The following ASXL1 variants were observed in gnomAD, a reference collection of about 807,000 sequenced individuals.
ASXL1 encodes the protein ASXL transcriptional regulator 1, also known as polycomb group protein ASXL1.
Under a neutral mutation model 89.1 loss-of-function variants are expected in ASXL1, and 65 were observed. That is an observed-to-expected ratio of 0.73 (90% CI 0.60 to 0.90). ASXL1 has a LOEUF of 0.90. ASXL1 is among the 40% of genes least tolerant of loss of function. The pLI is 0.00. For missense variants in ASXL1, 1,786 were observed against 1,942.9 expected (o/e 0.92, Z 1.52); for synonymous variants, 739 against 746.9 (o/e 0.99, Z 0.17).
At chr20:32,407,730 G>A (rs980921140) in intron 4 of ASXL1, among the ~76,000 whole-genome samples, 4 of 152,098 alleles carry the variant, frequency 2.6e-5, no homozygotes, top group African/African-American at 9.7e-5. Context: ...CTCCCAAAGT[G>A]CTGGTGAGCC....
At chr20:32,393,535 G>A (rs767156651) in intron 4 of ASXL1, among the ~76,000 whole-genome samples, 1 of 151,994 alleles carries the variant, frequency 6.6e-6, no homozygotes, top group Admixed American at 6.6e-5. Context: ...GCAGTGGCAC[G>A]ATCTCAGCTC....
At chr20:32,415,538 T>A (rs1002739322) in intron 4 of ASXL1, among the ~76,000 whole-genome samples, 11 of 152,164 alleles carry the variant, frequency 7.2e-5, no homozygotes, top group Admixed American at 7.2e-4. Flanking sequence ...TTTGAAACAG[T>A]TCTCCTGTTC....
chr20:32,361,154 G>T (rs1291189869), intron 1 of ASXL1, among the ~76,000 whole-genome samples: 4 of 152,188 alleles, frequency 2.6e-5, no homozygotes, highest in Non-Finnish European at 5.9e-5. Context: ...TTCGAGATGA[G>T]CCTGGGCAAC....
intron 3 of ASXL1, among the ~76,000 whole-genome samples, chr20:32,368,767 G>A (rs540561479): frequency 6.6e-6 from 1 of 152,136 alleles, no homozygotes; most frequent in Non-Finnish European, 1.5e-5. Flanking sequence ...TTGTCAAAAA[G>A]CACTGAAGAA....
chr20:32,436,423 C>G lies in ASXL1; in HGVS notation c.3711C>G (p.Ser1237=), dbSNP rs1299562020. ...TGGATTCCAAAGAGCAGTTCTCTTC[C>G]TTTAGTTGTGAAGATCAGAAGGAAG... ...EEMDSKEQFS[S]FSCEDQKEVR... The change falls in exon 13 of 13, where the codon TCC becomes TCG. Residue 1237 remains serine (S), a synonymous_variant. Coordinates refer to ENST00000375687, the MANE Select transcript of ASXL1 (RefSeq NM_015338.6). The G allele has an allele frequency of 6.2e-6, 10 of 1,613,986 alleles. No homozygotes were observed. The highest frequency in any genetic ancestry group is 7.6e-6 in the Non-Finnish European group (9 of 1,180,032).
intron 1 of ASXL1, among the ~76,000 whole-genome samples, chr20:32,361,402 C>T (rs567867509): frequency 2.9e-4 from 43 of 147,696 alleles, no homozygotes; most frequent in South Asian, 4.3e-4. Context: ...CACTTTGGGA[C>T]GCCGAGGTGG....
chr20:32,428,425 A>T lies in ASXL1; in HGVS notation c.471+3A>T. The T allele has an allele frequency of 6.2e-7, 1 of 1,606,786 alleles. No individual in the cohort carries two copies. Among genetic ancestry groups the T allele is most frequent in the Non-Finnish European group, 8.5e-7 (1 of 1,173,572 alleles). ...ACAGCTACAGAGCTTCCTCACAGGTAAGGAAGAGGTAGAGCCTAGCCTGGG... is the reference window on the plus strand; with the variant it reads ...ACAGCTACAGAGCTTCCTCACAGGTTAGGAAGAGGTAGAGCCTAGCCTGGG... On this transcript the variant is annotated splice_donor_region_variant and intron_variant, in intron 6 of 12. Transcript: ENST00000375687.
intron 12 of ASXL1, 96 bp downstream of exon 12, chr20:32,434,013 T>G: frequency 1.3e-6 from 2 of 1,528,098 alleles, no homozygotes; most frequent in Non-Finnish European, 9.0e-7. Context: ...CTGAAGTTAA[T>G]TATGTGGGAA....
chr20:32,401,349 C>T (rs1324172743), intron 4 of ASXL1, among the ~76,000 whole-genome samples: 1 of 152,172 alleles, frequency 6.6e-6, no homozygotes, highest in African/African-American at 2.4e-5. Flanking sequence ...CCTCCACCAC[C>T]AATCAACCAA....
At chr20:32,366,338 TA>T in intron 1 of ASXL1, 45 bp from the exon 2 acceptor site, 1 of 1,503,728 alleles carries the variant, frequency 6.7e-7, no homozygotes. Flanking sequence ...TGGATGGATA[TA>T]AATGGAAATT....
chr20:32,404,582 T>C (rs2123071536), intron 4 of ASXL1, among the ~76,000 whole-genome samples: 1 of 152,356 alleles, frequency 6.6e-6, no homozygotes, highest in South Asian at 2.1e-4. Context: ...ATATCATCTG[T>C]TAATAGGGCC....
rs568653291 is a variant in ASXL1, at chr20:32,437,752, T to A, written c.*414T>A. 5 of 294,410 alleles carry A rather than the reference T, an allele frequency of 1.7e-5. No individual in the cohort carries two copies. The highest frequency in any genetic ancestry group is 1.1e-4 in the African/African-American group (5 of 47,108). 18.2% of individuals were successfully genotyped at this position (294,410 alleles called of 1,614,324 possible). A position where few individuals can be genotyped will look rare whatever the true frequency, so the allele number is the denominator to read the frequency against. On this transcript the variant is annotated 3_prime_UTR_variant, in exon 13 of 13. Coordinates refer to ENST00000375687, the MANE Select transcript of ASXL1 (RefSeq NM_015338.6). ...CCACTACCCCCTCCCTGCCATCTTT[T>A]CTTCTGCTACTTTGGGGAGTTGATG... is the stretch of plus-strand genomic sequence containing the variant.
At chr20:32,422,580 A>ATTTTTT (rs11167168) in intron 4 of ASXL1, among the ~76,000 whole-genome samples, 4 of 108,046 alleles carry the variant, frequency 3.7e-5, no homozygotes, top group African/African-American at 1.5e-4. Flanking sequence ...GGATTGGTTA[A>ATTTTTT]TTTTTTTTTT....
intron 4 of ASXL1, among the ~76,000 whole-genome samples, chr20:32,409,850 T>C (rs989772869): frequency 6.6e-6 from 1 of 152,240 alleles, no homozygotes; most frequent in African/African-American, 2.4e-5. Context: ...CTTGATCACA[T>C]GGTACATTTG....
At chr20:32,369,761 C>G (rs1253346831) in intron 4 of ASXL1, among the ~76,000 whole-genome samples, 3 of 122,504 alleles carry the variant, frequency 2.4e-5, no homozygotes, top group African/African-American at 8.9e-5. Flanking sequence ...TGGAGTCTCA[C>G]TCTGTTGCCC....
At chr20:32,410,069 C>T (rs190364305) in intron 4 of ASXL1, among the ~76,000 whole-genome samples, 3 of 152,226 alleles carry the variant, frequency 2.0e-5, no homozygotes, top group East Asian at 1.9e-4. Context: ...TCAGGAGACA[C>T]GATACCTGTT....
chr20:32,379,161 C>CTTTTTT lies in ASXL1; in HGVS notation c.252+10074_252+10079dup, dbSNP rs71187113. On this transcript the variant is annotated intron_variant, in intron 4 of 12. Transcript: ENST00000375687. ...ACTCACTGTCAGGTATAACTTCAGT[C>CTTTTTT]TTTTTTTTTTTTTTTTTTTTTTTTT... 8.3e-4 allele frequency among the ~76,000 whole-genome samples: 51 copies of CTTTTTT among 61,794 alleles called. 7 individuals are homozygous for CTTTTTT. Among genetic ancestry groups the CTTTTTT allele is most frequent in the East Asian group, 1.3e-3 (2 of 1,534 alleles). 40.5% of individuals were successfully genotyped at this position (61,794 alleles called of 152,430 possible).
At chr20:32,408,094 T>G (rs567275550) in intron 4 of ASXL1, among the ~76,000 whole-genome samples, 3 of 151,994 alleles carry the variant, frequency 2.0e-5, no homozygotes, top group Non-Finnish European at 2.9e-5. Flanking sequence ...CTTGCCACCA[T>G]GCCTATTTTT....
At chr20:32,398,254 C>T (rs539702773) in intron 4 of ASXL1, among the ~76,000 whole-genome samples, 7 of 152,096 alleles carry the variant, frequency 4.6e-5, no homozygotes, top group Non-Finnish European at 1.0e-4. Flanking sequence ...TGGAGTCTCA[C>T]TCTGTAGCCC....
Sources: gnomAD v4.1 joint callset for allele counts (sites outside exome capture counted in the v4.1 genomes callset) on GRCh38, gnomAD v4.1.1 for gene constraint, MANE v1.5 for transcripts, NCBI Gene and HGNC (gene_info 2026-07-23, HGNC 2026-07-21) for gene names.